NARF: variants seen among roughly 807,000 people sequenced by gnomAD.
NARF encodes the protein nuclear prelamin A recognition factor, also known as iron-only hydrogenase-like protein 2.
In NARF, 41 loss-of-function variants were observed where a neutral mutation model predicts 48.0. That is an observed-to-expected ratio of 0.85 (90% confidence interval 0.66 to 1.11). NARF has a LOEUF of 1.11. Ranked by LOEUF, NARF falls within the 50% of genes least tolerant of loss-of-function variation. NARF has a pLI of 0.00. For missense variants in NARF, 613 were observed against 590.2 expected, an observed-to-expected ratio of 1.04 and a Z score of -0.40; for synonymous variants, 215 against 225.5, an observed-to-expected ratio of 0.95 and a Z score of 0.42.
At chr17:82,465,875 ATTGC>A (rs755142806) in intron 3 of NARF, among the ~76,000 whole-genome samples, 5 of 152,188 alleles carry the variant, frequency 3.3e-5, no homozygotes, top group Non-Finnish European at 7.3e-5. Context: ...CTAGATCACA[ATTGC>A]AGATAGAGAC....
rs769447874 is a variant in NARF, at chr17:82,459,977, C to G, written c.28-15C>G. On this transcript the variant is annotated splice_polypyrimidine_tract_variant and intron_variant, in intron 1 of 10. Transcript: ENST00000309794. ...AAGTAAAAGTTCATTGATAATGTTC[C>G]TTTGCTTTTTTAAGGAATGTAGTAA... 4 of 1,606,236 alleles carry G rather than the reference C, an allele frequency of 2.5e-6. No homozygotes were observed. The highest frequency in any genetic ancestry group is 2.6e-6 in the Non-Finnish European group (3 of 1,173,636).
At chr17:82,486,395 G>A (rs2044096649) in intron 10 of NARF, among the ~76,000 whole-genome samples, 1 of 152,208 alleles carries the variant, frequency 6.6e-6, no homozygotes, top group Non-Finnish European at 1.5e-5. Flanking sequence ...GTCAGTTGGA[G>A]GAGCGGCTCC....
intron 1 of NARF, 107 bp from the exon 2 acceptor site, chr17:82,459,880 ATAAAC>A: frequency 1.2e-6 from 1 of 848,242 alleles, no homozygotes; most frequent in Non-Finnish European, 1.8e-6. Flanking sequence ...AAATAAATAA[ATAAAC>A]TAAAAGAAAG....
At chr17:82,483,339 C>A in intron 7 of NARF, 1 of 313,428 alleles carries the variant, frequency 3.2e-6, no homozygotes, top group Non-Finnish European at 6.4e-6. Flanking sequence ...AAAATGCAAC[C>A]AGTGTATATT....
rs1250531925 is a variant in NARF, at chr17:82,490,156, A to C, written c.*1999A>C. On this transcript the variant is annotated 3_prime_UTR_variant, in exon 11 of 11. Transcript: ENST00000309794. ...AATTTTTTTTTAAAAAGGAGAAAGC[A>C]GTTTAACCACAAACAGTGAAACAGA... The C allele has an allele frequency of 6.6e-6, 1 of 152,284 alleles. No homozygotes were observed. The highest frequency in any genetic ancestry group is 1.9e-4 in the East Asian group (1 of 5,194). The allele number at this position is 152,284 out of a possible 1,614,324, so 9.4% of individuals were successfully genotyped here.
intron 3 of NARF, among the ~76,000 whole-genome samples, chr17:82,464,897 C>G (rs969165542): frequency 3.9e-5 from 6 of 152,226 alleles, no homozygotes; most frequent in Admixed American, 1.3e-4. Flanking sequence ...TCCCTGCAGA[C>G]CTCCTATACA....
At chr17:82,473,510 G>A (rs529597203) in intron 5 of NARF, among the ~76,000 whole-genome samples, 107 of 151,868 alleles carry the variant, frequency 7.0e-4, no homozygotes, top group African/African-American at 2.5e-3. Flanking sequence ...CACCACACCC[G>A]GCTAATTTCT....
chr17:82,481,444 G>T (rs1380137368), intron 7 of NARF, among the ~76,000 whole-genome samples: 1 of 152,094 alleles, frequency 6.6e-6, no homozygotes, highest in Non-Finnish European at 1.5e-5. Flanking sequence ...GATAAATCAG[G>T]TCTCAGCTGG....
intron 1 of NARF, chr17:82,459,561 T>C (rs2043380438): frequency 6.0e-6 from 1 of 165,458 alleles, no homozygotes; most frequent in Admixed American, 6.0e-5. Context: ...CCTGTTTCAC[T>C]AGAAGGGTTA....
At position 82,488,370 on chromosome 17, in the gene NARF, C is replaced by T; in HGVS notation, c.*213C>T. ...CTTCATAATAGGTGTGGGATTGGAA[C>T]TTTTTTTTTCTTTTTTTTTTTTTGA... On this transcript the variant is annotated 3_prime_UTR_variant, in exon 11 of 11. Transcript: ENST00000309794. 1.8e-6 allele frequency: 1 copy of T among 567,006 alleles called. No individual in the cohort carries two copies. 35.1% of individuals were successfully genotyped at this position (567,006 alleles called of 1,614,324 possible).
intron 3 of NARF, among the ~76,000 whole-genome samples, chr17:82,465,798 T>C (rs917872573): frequency 6.6e-6 from 1 of 152,206 alleles, no homozygotes; most frequent in African/African-American, 2.4e-5. Flanking sequence ...ACTCCTGTGC[T>C]CAAGCGATCC....
intron 7 of NARF, chr17:82,482,500 A>G (rs1599851792): frequency 2.6e-5 from 3 of 116,470 alleles, no homozygotes; most frequent in Admixed American, 8.7e-5. Context: ...AAATTACGCT[A>G]TTTTCTTACC....
chr17:82,461,241 C>G (rs2043429271), intron 2 of NARF, among the ~76,000 whole-genome samples: 1 of 151,836 alleles, frequency 6.6e-6, no homozygotes, highest in Non-Finnish European at 1.5e-5. Context: ...TAATTCAGTT[C>G]TTGTTTTTAA....
chr17:82,471,447 A>C (rs1280402887), intron 4 of NARF, among the ~76,000 whole-genome samples: 9 of 137,386 alleles, frequency 6.6e-5, no homozygotes, highest in African/African-American at 2.3e-4. Context: ...AGGGCGAGAC[A>C]CTGTCTCAAA....
At position 82,470,041 on chromosome 17, in the gene NARF, C is replaced by T. The variant is rs1172387690; in HGVS notation, c.385+1145C>T. Among the ~76,000 whole-genome samples the T allele has an allele frequency of 5.9e-5, 9 of 152,160 alleles. No individual in the cohort carries two copies. The East Asian group carries it at 1.4e-3, about 23-fold the overall frequency. The stretch of plus-strand genomic sequence containing the variant: ...GAGGCCAGGAGCTCGAGACCAGCCT[C>T]GACAACATAACAAGATCCTATCTCT... On this transcript the variant is annotated intron_variant, in intron 4 of 10. Coordinates refer to ENST00000309794, the MANE Select transcript of NARF (RefSeq NM_012336.4).
rs1330411845 is a variant in NARF at position 82,490,170 on chromosome 17, CAG to C, written c.*2014_*2015del. On this transcript the variant is annotated 3_prime_UTR_variant, in exon 11 of 11. Coordinates refer to ENST00000309794, the MANE Select transcript of NARF (RefSeq NM_012336.4). ...AAGGAGAAAGCAGTTTAACCACAAACAGTGAAACAGAGCTGGCAGACGCCTGA... is the reference window on the plus strand; with the variant it reads ...AAGGAGAAAGCAGTTTAACCACAAACTGAAACAGAGCTGGCAGACGCCTGA... The C allele has an allele frequency of 1.3e-5, 2 of 152,246 alleles. No individual in the cohort carries two copies. The highest frequency in any genetic ancestry group is 2.4e-5 in the African/African-American group (1 of 41,462). 9.4% of individuals were successfully genotyped at this position (152,246 alleles called of 1,614,324 possible).
intron 5 of NARF, chr17:82,478,435 A>C (rs2043883355): frequency 2.7e-6 from 1 of 372,790 alleles, no homozygotes; most frequent in African/African-American, 2.1e-5. Flanking sequence ...CCTGGCTGTA[A>C]GGACGCTGTA....
chr17:82,478,150 G>A (rs746001696), intron 5 of NARF, among the ~76,000 whole-genome samples: 6 of 152,220 alleles, frequency 3.9e-5, no homozygotes, highest in Non-Finnish European at 5.9e-5. Context: ...CGGGAAAGGA[G>A]TAGGCAGGGC....
At chr17:82,474,281 A>G (rs2043784566) in intron 5 of NARF, among the ~76,000 whole-genome samples, 2 of 152,222 alleles carry the variant, frequency 1.3e-5, no homozygotes, top group African/African-American at 2.4e-5. Context: ...GCCAGCTTAA[A>G]AAAAATACAG....
Sources: gnomAD v4.1 joint callset for allele counts (sites outside exome capture counted in the v4.1 genomes callset) on GRCh38, gnomAD v4.1.1 for gene constraint, MANE v1.5 for transcripts, NCBI Gene and HGNC (gene_info 2026-07-23, HGNC 2026-07-21) for gene names.